ASIC2: variants seen among roughly 807,000 people sequenced by gnomAD.
ASIC2 encodes the protein acid-sensing ion channel 2.
Under a neutral mutation model 57.3 loss-of-function variants are expected in ASIC2, and 25 were observed. That is an observed-to-expected ratio of 0.44 (90% CI 0.32 to 0.61). The LOEUF (loss-of-function observed/expected upper bound fraction) is 0.61, where lower values mean the gene tolerates loss of function less well. ASIC2 is among the 20% of genes least tolerant of loss of function. ASIC2 has a pLI of 0.06. For missense variants in ASIC2, 641 were observed against 738.1 expected (o/e 0.87, Z 1.52); for synonymous variants, 319 against 307.5 (o/e 1.04, Z -0.39).
At chr17:33,747,411 A>G (rs1005736083) in intron 1 of ASIC2, among the ~76,000 whole-genome samples, 8 of 151,712 alleles carry the variant, frequency 5.3e-5, no homozygotes, top group African/African-American at 1.9e-4. Flanking sequence ...TTTGGTAGAG[A>G]TGGGGTTTCA....
chr17:33,084,930 A>G (rs777089394), intron 3 of ASIC2, among the ~76,000 whole-genome samples: 11 of 152,258 alleles, frequency 7.2e-5, no homozygotes, highest in Non-Finnish European at 1.3e-4. Flanking sequence ...TTGTAGCCCA[A>G]GAGTATATTC....
rs568777447 is a variant in ASIC2 at position 33,500,301 on chromosome 17, G to A, written c.556-388234C>T. Among the ~76,000 whole-genome samples, 6 of 152,198 alleles carry A rather than the reference G, an allele frequency of 3.9e-5. No individual in the cohort carries two copies. The South Asian group carries it at 1.2e-3, about 32-fold the overall frequency. ...ATAATCACACCAACATGATGTGACA[G>A]GCCAAAGTAGCAACTGCCAACTCTG... On this transcript the variant is annotated intron_variant, in intron 1 of 9. Transcript: ENST00000359872.
intron 2 of ASIC2, among the ~76,000 whole-genome samples, chr17:33,105,520 A>C (rs989224118): frequency 2.6e-5 from 4 of 152,240 alleles, no homozygotes; most frequent in African/African-American, 2.4e-5. Flanking sequence ...TAATACAGTA[A>C]ATAGGTACCA....
intron 1 of ASIC2, among the ~76,000 whole-genome samples, chr17:33,392,804 T>C (rs11652495): frequency 0.41 from 62,687 of 151,998 alleles, 14,661 homozygotes; most frequent in Non-Finnish European, 0.52. Context: ...TGGATATCTA[T>C]GGGCATTCCT....
intron 1 of ASIC2, among the ~76,000 whole-genome samples, chr17:33,904,181 AAAAAAAGAAT>A (rs1295183976): frequency 1.3e-5 from 2 of 151,244 alleles, no homozygotes; most frequent in African/African-American, 4.9e-5. Context: ...AAAAAAAAAA[AAAAAAAGAAT>A]TATAGCTATG....
intron 1 of ASIC2, among the ~76,000 whole-genome samples, chr17:33,274,673 C>T (rs1169622583): frequency 6.7e-6 from 1 of 149,906 alleles, no homozygotes; most frequent in Non-Finnish European, 1.5e-5. Flanking sequence ...ATCAGAATCT[C>T]TGGGGGTTGA....
At chr17:33,733,149 A>G (rs948261692) in intron 1 of ASIC2, among the ~76,000 whole-genome samples, 2 of 152,180 alleles carry the variant, frequency 1.3e-5, no homozygotes, top group Non-Finnish European at 2.9e-5. Context: ...TATTGGCCCT[A>G]ACCCTGTCCC....
intron 1 of ASIC2, among the ~76,000 whole-genome samples, chr17:33,608,776 CAGTATTAAGA>C (rs1466794422): frequency 2.6e-5 from 4 of 152,174 alleles, no homozygotes; most frequent in African/African-American, 9.7e-5. Flanking sequence ...AGCCCTTCAC[CAGTATTAAGA>C]ACTTCCTTAC....
At chr17:33,535,393 C>T (rs1277216388) in intron 1 of ASIC2, among the ~76,000 whole-genome samples, 1 of 151,950 alleles carries the variant, frequency 6.6e-6, no homozygotes, top group African/African-American at 2.4e-5. Flanking sequence ...CTGCCTCAGC[C>T]TCCCGAGTAG....
At chr17:34,002,592 G>T (rs1324352462) in intron 1 of ASIC2, 2 of 152,202 alleles carry the variant, frequency 1.3e-5, no homozygotes, top group Admixed American at 1.3e-4. Context: ...GCTCTGCAGG[G>T]TCTGATCTCC....
intron 1 of ASIC2, among the ~76,000 whole-genome samples, chr17:34,117,073 C>T (rs1031797930): frequency 6.6e-6 from 1 of 151,646 alleles, no homozygotes; most frequent in African/African-American, 2.4e-5. Flanking sequence ...AAAGTGTGCA[C>T]ACACACAGGT....
At chr17:33,433,320 G>A (rs912561287) in intron 1 of ASIC2, among the ~76,000 whole-genome samples, 5 of 152,214 alleles carry the variant, frequency 3.3e-5, no homozygotes, top group African/African-American at 1.2e-4. Context: ...AATACCACAT[G>A]TTCTTACTTA....
intron 1 of ASIC2, among the ~76,000 whole-genome samples, chr17:33,748,900 A>G (rs1307201411): frequency 6.6e-6 from 1 of 152,238 alleles, no homozygotes; most frequent in Non-Finnish European, 1.5e-5. Flanking sequence ...CTGAAGTCCC[A>G]TGGGACAACA....
At chr17:33,244,225 C>G (rs1013249139) in intron 1 of ASIC2, among the ~76,000 whole-genome samples, 19 of 152,204 alleles carry the variant, frequency 1.2e-4, no homozygotes, top group Non-Finnish European at 2.9e-5. Context: ...ATGTCCCCAT[C>G]TGAAACACTT....
chr17:33,444,522 T>C (rs1043538887), intron 1 of ASIC2, among the ~76,000 whole-genome samples: 4 of 152,268 alleles, frequency 2.6e-5, no homozygotes, highest in African/African-American at 7.2e-5. Context: ...CTTACATCTC[T>C]TAACATCACC....
intron 3 of ASIC2, among the ~76,000 whole-genome samples, chr17:33,045,250 T>C (rs1218323440): frequency 6.6e-6 from 1 of 152,176 alleles, no homozygotes; most frequent in Admixed American, 6.5e-5. Flanking sequence ...GTTAAATCTG[T>C]GCCCTCCCTT....
At position 33,292,726 on chromosome 17, in the gene ASIC2, C is replaced by CGG. The variant is rs981465862; in HGVS notation, c.-613_-612dup. The CGG allele has an allele frequency of 1.2e-4, 117 of 985,782 alleles. No individual in the cohort carries two copies. The highest frequency in any genetic ancestry group is 1.4e-4 in the Non-Finnish European group (113 of 830,452). 61.1% of individuals were successfully genotyped at this position (985,782 alleles called of 1,614,324 possible). Reference sequence around the variant, plus strand: ...GCTGGGCGGGCGGGGTGGGTGTGTACGGGGGTGAGTGGTCGCCTTGCCGGC... The same window carrying CGG: ...GCTGGGCGGGCGGGGTGGGTGTGTACGGGGGGGTGAGTGGTCGCCTTGCCGGC... On this transcript the variant is annotated 5_prime_UTR_variant, in exon 1 of 10. Transcript: ENST00000225823.
intron 1 of ASIC2, among the ~76,000 whole-genome samples, chr17:33,220,928 T>C (rs921248586): frequency 1.4e-4 from 21 of 152,082 alleles, no homozygotes; most frequent in South Asian, 4.2e-4. Context: ...AAAAATTAGC[T>C]GGATGTGGTG....
intron 1 of ASIC2, among the ~76,000 whole-genome samples, chr17:33,811,107 G>A (rs925763579): frequency 1.3e-5 from 2 of 152,156 alleles, no homozygotes; most frequent in East Asian, 1.9e-4. Flanking sequence ...GAATCACAAG[G>A]TTCAGTAGCT....
Sources: gnomAD v4.1 joint callset for allele counts (sites outside exome capture counted in the v4.1 genomes callset) on GRCh38, gnomAD v4.1.1 for gene constraint, MANE v1.5 for transcripts, NCBI Gene and HGNC (gene_info 2026-07-23, HGNC 2026-07-21) for gene names.